Variants in CROCC observed in about 807,000 individuals in gnomAD.
CROCC encodes ciliary rootlet coiled-coil, rootletin.
A neutral mutation model predicts 245.2 loss-of-function variants in CROCC; 180 were observed. That is an observed-to-expected ratio of 0.73 (90% confidence interval 0.65 to 0.83). The LOEUF (loss-of-function observed/expected upper bound fraction) is 0.83. CROCC is among the 40% of genes least tolerant of loss of function. CROCC has a pLI of 0.00. For missense variants in CROCC, 2,688 were observed against 2,779.4 expected, an observed-to-expected ratio of 0.97 and a Z score of 0.74; for synonymous variants, 1,205 against 1,241.6, an observed-to-expected ratio of 0.97 and a Z score of 0.62.
intron 1 of CROCC, among the ~76,000 whole-genome samples, chr1:16,922,412 C>T (rs1300886913): frequency 2.0e-5 from 3 of 152,268 alleles, no homozygotes; most frequent in Non-Finnish European, 4.4e-5. Flanking sequence ...TGGACTGCCT[C>T]CAGTGGGGTT....
chr1:16,939,851 G>A (rs771112973), intron 12 of CROCC, 43 bp from the exon 13 acceptor site: 10 of 1,598,694 alleles, frequency 6.3e-6, no homozygotes, highest in Non-Finnish European at 8.6e-6. Context: ...GGCTCTGGAG[G>A]CCTCTCAGGC....
chr1:16,923,697 T>C, intron 2 of CROCC, among the ~76,000 whole-genome samples: 1 of 121,566 alleles, frequency 8.2e-6, no homozygotes, highest in African/African-American at 2.9e-5. Context: ...TTTTTTTTTT[T>C]TGAGACAGAG....
rs555270343 is a variant in CROCC, at chr1:16,955,186, A to G, written c.3466-126A>G. ...ACGCCTTGCTCAAATGATAACTCAC[A>G]GCCTGCGGTCTGAGCACTGCAGAGG... On this transcript the variant is annotated intron_variant, in intron 23 of 36. Transcript: ENST00000375541. 1.6e-5 allele frequency: 14 copies of G among 893,602 alleles called. No homozygotes were observed. In the Admixed American group the frequency reaches 2.2e-4, roughly 14 times the overall value. The allele number at this position is 893,602 out of a possible 1,614,324, so 55.4% of individuals were successfully genotyped here.
chr1:16,926,162 C>T (rs866676774), intron 3 of CROCC, among the ~76,000 whole-genome samples: 7 of 152,268 alleles, frequency 4.6e-5, no homozygotes, highest in African/African-American at 9.6e-5. Flanking sequence ...AGAGGGCGCC[C>T]GCTGCTTCAG....
chr1:16,961,375 G>A (rs957919536), intron 27 of CROCC, among the ~76,000 whole-genome samples: 2 of 151,968 alleles, frequency 1.3e-5, no homozygotes, highest in African/African-American at 4.8e-5. Context: ...CCGGGCTCAA[G>A]TGGTCCTCCC....
intron 26 of CROCC, 134 bp downstream of exon 26, chr1:16,958,884 C>G (rs1363317927): frequency 9.6e-7 from 1 of 1,038,468 alleles, no homozygotes; most frequent in East Asian, 2.6e-5. Flanking sequence ...TGAGACTCTT[C>G]CCCAGTTGTA....
chr1:16,960,597 C>T (rs929914294), intron 26 of CROCC, among the ~76,000 whole-genome samples, 161 bp from the exon 27 acceptor site: 9 of 152,196 alleles, frequency 5.9e-5, no homozygotes, highest in African/African-American at 2.2e-4. Context: ...TTTCCTCCCA[C>T]GGGGATGTTT....
intron 1 of CROCC, among the ~76,000 whole-genome samples, chr1:16,914,329 C>T (rs1210544759): frequency 1.3e-5 from 2 of 152,210 alleles, no homozygotes; most frequent in African/African-American, 4.8e-5. Flanking sequence ...CCCGCCGCGT[C>T]CTGCCGCCCA....
At chr1:16,951,194 T>C (rs1465135141) in intron 20 of CROCC, 72 bp downstream of exon 20, 1 of 1,310,810 alleles carries the variant, frequency 7.6e-7, no homozygotes, top group Non-Finnish European at 1.0e-6. Context: ...TCTGCCTCGG[T>C]CTCTACATCT....
Position 16,970,434 on chromosome 1 carries a change from T to C in CROCC, c.5633T>C (p.Leu1878Pro). 6.3e-7 allele frequency: 1 copy of C among 1,594,220 alleles called. No individual in the cohort carries two copies. The change falls in exon 34 of 37, where the codon CTC becomes CCC. Residue 1878 changes from leucine to proline, a missense_variant. Leu to Pro is a moderately conservative substitution (Grantham distance 98, BLOSUM62 -3). This residue lies in a region of CROCC where 1,218 missense variants were observed against 1,286.3 expected (regional missense o/e 0.95). Transcript: ENST00000375541. ...CGGCTGGAGAAGGACCGTGTAGCCC[T>C]CAGGAGGACGCTGGACAAGGTAGGC... ...ALRLEKDRVA[L>P]RRTLDKVERE...
chr1:16,924,617 C>A, intron 3 of CROCC, 138 bp downstream of exon 3: 1 of 1,176,198 alleles, frequency 8.5e-7, no homozygotes, highest in Non-Finnish European at 1.2e-6. Flanking sequence ...GAGGCTCTGC[C>A]ACCTTGAGTG....
In CROCC at chr1:16,952,914, C is replaced by G. The variant is rs143548068; in HGVS notation, c.3007-388C>G. Among the ~76,000 whole-genome samples, 819 of 152,366 alleles carry G rather than the reference C, an allele frequency of 5.4e-3. 2 individuals are homozygous for G. Among genetic ancestry groups the G allele is most frequent in the African/African-American group, 0.019 (779 of 41,582 alleles). On this transcript the variant is annotated intron_variant, in intron 20 of 36. Transcript: ENST00000375541. Reference sequence around the variant, plus strand: ...GTCCTTAGAATCCCCATGGCCCACACGGCCTGTCCTGGCCCCACCCCTGCC... The same window carrying G: ...GTCCTTAGAATCCCCATGGCCCACAGGGCCTGTCCTGGCCCCACCCCTGCC...
At position 16,944,301 on chromosome 1, in the gene CROCC, C is replaced by T; in HGVS notation, c.1991+19C>T. On this transcript the variant is annotated intron_variant, in intron 14 of 36. Coordinates refer to ENST00000375541, the MANE Select transcript of CROCC (RefSeq NM_014675.5). ...AGCGCAGGTGAGCAGCATCTCGCCA[C>T]CCTGCCAGGACCCTTCAGATGTGCC... 1 of 1,519,956 alleles carries T rather than the reference C, an allele frequency of 6.6e-7. No individual in the cohort carries two copies. Among genetic ancestry groups the T allele is most frequent in the South Asian group, 1.2e-5 (1 of 80,304 alleles). 94.2% of individuals were successfully genotyped at this position (1,519,956 alleles called of 1,614,324 possible). A position where few individuals can be genotyped will look rare whatever the true frequency, so the allele number is the denominator to read the frequency against.
In CROCC at chr1:16,946,422, C is replaced by G; in HGVS notation, c.2283+17C>G. The G allele has an allele frequency of 6.2e-7, 1 of 1,605,372 alleles. No homozygotes were observed. The highest frequency in any genetic ancestry group is 1.1e-5 in the South Asian group (1 of 90,142). On this transcript the variant is annotated intron_variant, in intron 16 of 36. Transcript: ENST00000375541. ...GTCGCCCAGGTACGCTGTGCACCTG[C>G]GGGCCCACCTGCCTTGCCCACCCAT...
At chr1:16,924,027 T>C (rs564311564) in intron 2 of CROCC, among the ~76,000 whole-genome samples, 74 of 152,292 alleles carry the variant, frequency 4.9e-4, no homozygotes, top group African/African-American at 1.3e-3. Flanking sequence ...AGAAGACTAA[T>C]TGGAAAAGGA....
chr1:16,938,199 C>T (rs540244742), intron 10 of CROCC, among the ~76,000 whole-genome samples: 2 of 152,398 alleles, frequency 1.3e-5, no homozygotes, highest in African/African-American at 4.8e-5. Flanking sequence ...ACTGTGTGAC[C>T]TGGGGCAGGA....
chr1:16,947,628 C>T (rs144681253), intron 17 of CROCC, among the ~76,000 whole-genome samples: 6,192 of 149,604 alleles, frequency 0.041, no homozygotes, highest in Admixed American at 0.049. Context: ...TATCCTGGAG[C>T]GCCTAGGTTT....
intron 17 of CROCC, 97 bp downstream of exon 17, chr1:16,947,088 T>G: frequency 8.8e-7 from 1 of 1,134,170 alleles, no homozygotes; most frequent in Non-Finnish European, 1.2e-6. Context: ...TCACAGGCAC[T>G]GGAGCCTGCT....
Position 16,972,507 on chromosome 1 carries a change from G to T in CROCC, c.*61G>T, listed in dbSNP as rs1030015162. On this transcript the variant is annotated 3_prime_UTR_variant, in exon 37 of 37. Transcript: ENST00000375541. The stretch of plus-strand genomic sequence containing the variant: ...GGGACAGGGGAGGACCCTTCTTTTG[G>T]ACAGCCCCCCCACCCAGAGCCCGGT... The T allele has an allele frequency of 8.5e-7, 1 of 1,176,204 alleles. No homozygotes were observed. 72.9% of individuals were successfully genotyped at this position (1,176,204 alleles called of 1,614,324 possible). A position where few individuals can be genotyped will look rare whatever the true frequency, so the allele number is the denominator to read the frequency against.
Sources: allele counts gnomAD v4.1 joint callset (sites outside exome capture counted in the v4.1 genomes callset), GRCh38; gene constraint gnomAD v4.1.1; regional missense constraint gnomAD v4.1.1; transcripts MANE v1.5; gene names NCBI Gene and HGNC (gene_info 2026-07-23, HGNC 2026-07-21).